Variants in CERS3 observed in about 807,000 individuals in gnomAD.
CERS3 encodes the protein LAG1 homolog, ceramide synthase 3.
In CERS3, 33 loss-of-function variants were observed where a neutral mutation model predicts 50.3. The ratio of observed to expected loss-of-function variants is 0.66; its 90% confidence interval spans 0.50 to 0.88. The LOEUF (loss-of-function observed/expected upper bound fraction) is 0.88. Among genes scored for constraint, CERS3 ranks in the 40% least tolerant of loss-of-function variants. The probability of loss-of-function intolerance (pLI) is 0.00; values close to 1 mark genes in which losing one functional copy is unlikely to be tolerated. For missense variants in CERS3, 470 were observed against 460.3 expected (o/e 1.02, Z -0.19); for synonymous variants, 176 against 155.2 (o/e 1.13, Z -0.99).
intron 9 of CERS3, among the ~76,000 whole-genome samples, chr15:100,469,879 G>T (rs1179335178): frequency 6.6e-6 from 1 of 152,032 alleles, no homozygotes; most frequent in Non-Finnish European, 1.5e-5. Context: ...AGAAAGGCTG[G>T]GACAAGTGGG....
chr15:100,449,314 T>G (rs1002452820), intron 11 of CERS3, among the ~76,000 whole-genome samples: 2 of 152,166 alleles, frequency 1.3e-5, no homozygotes, highest in African/African-American at 4.8e-5. Flanking sequence ...TGCAGACCAC[T>G]TGGGAGCCAG....
chr15:100,407,660 A>C (rs1279866253), intron 11 of CERS3, among the ~76,000 whole-genome samples: 1 of 152,194 alleles, frequency 6.6e-6, no homozygotes, highest in African/African-American at 2.4e-5. Flanking sequence ...TTTGTCAAAA[A>C]TATTCAGGAA....
chr15:100,467,729 T>C (rs919030704), intron 10 of CERS3, among the ~76,000 whole-genome samples: 2 of 137,558 alleles, frequency 1.5e-5, no homozygotes, highest in African/African-American at 5.2e-5. Context: ...TATTATTCTA[T>C]CAATAATTGC....
intron 1 of CERS3, among the ~76,000 whole-genome samples, chr15:100,535,721 T>C (rs4343263): frequency 0.31 from 28,679 of 91,366 alleles, 4,330 homozygotes; most frequent in South Asian, 0.43. Context: ...GAAGTGGGGA[T>C]ATCCCTATGC....
chr15:100,484,471 C>G (rs1326969244), intron 5 of CERS3, 79 bp downstream of exon 5: 1 of 982,946 alleles, frequency 1.0e-6, no homozygotes, highest in Non-Finnish European at 1.6e-6. Context: ...TCTGCTGCTC[C>G]GGCAGTATTC....
chr15:100,425,272 G>A (rs1176306617), intron 11 of CERS3, among the ~76,000 whole-genome samples: 1 of 152,154 alleles, frequency 6.6e-6, no homozygotes, highest in African/African-American at 2.4e-5. Context: ...CCCCAAAATG[G>A]TAGATTTATT....
chr15:100,520,622 C>T (rs1567679997), intron 2 of CERS3, among the ~76,000 whole-genome samples: 1 of 152,196 alleles, frequency 6.6e-6, no homozygotes, highest in African/African-American at 2.4e-5. Context: ...GTCACCTTCA[C>T]TAAAAAGCAG....
intron 11 of CERS3, among the ~76,000 whole-genome samples, chr15:100,404,927 G>A (rs2030871402): frequency 6.6e-6 from 1 of 152,268 alleles, no homozygotes; most frequent in East Asian, 1.9e-4. Flanking sequence ...AAGCAAATAA[G>A]TAAACTTTGA....
intron 10 of CERS3, among the ~76,000 whole-genome samples, chr15:100,458,466 A>G (rs1044559004): frequency 6.6e-6 from 1 of 151,928 alleles, no homozygotes; most frequent in African/African-American, 2.4e-5. Context: ...GGTATCTGTA[A>G]TCCTGGCTAC....
At chr15:100,442,288 A>G (rs1022198652) in intron 11 of CERS3, among the ~76,000 whole-genome samples, 5 of 152,180 alleles carry the variant, frequency 3.3e-5, no homozygotes, top group Non-Finnish European at 5.9e-5. Flanking sequence ...CTCAATATAA[A>G]TTTTATTACC....
chr15:100,496,756 A>G (rs1254362746), intron 3 of CERS3, among the ~76,000 whole-genome samples: 1 of 152,194 alleles, frequency 6.6e-6, no homozygotes, highest in African/African-American at 2.4e-5. Flanking sequence ...CTGCCAGTCC[A>G]GTCAATTCTA....
intron 1 of CERS3, among the ~76,000 whole-genome samples, chr15:100,527,992 A>G (rs2142403552): frequency 6.6e-6 from 1 of 152,334 alleles, no homozygotes; most frequent in African/African-American, 2.4e-5. Context: ...GTTTAAAGTC[A>G]AACACTCACT....
At chr15:100,447,444 G>A (rs2033986244) in intron 11 of CERS3, among the ~76,000 whole-genome samples, 1 of 152,088 alleles carries the variant, frequency 6.6e-6, no homozygotes, top group Non-Finnish European at 1.5e-5. Flanking sequence ...TCCCTAAAAT[G>A]TCTAAAACCA....
intron 2 of CERS3, among the ~76,000 whole-genome samples, chr15:100,502,959 G>T (rs1212641607): frequency 2.0e-5 from 3 of 152,120 alleles, no homozygotes. Flanking sequence ...AGGAAAATGG[G>T]GAAGAAGGAA....
intron 11 of CERS3, among the ~76,000 whole-genome samples, chr15:100,416,433 A>G (rs1010637526): frequency 2.6e-5 from 4 of 152,244 alleles, no homozygotes; most frequent in African/African-American, 9.6e-5. Context: ...AAGCTACAGA[A>G]TGGGAGTAAA....
chr15:100,533,254 T>C (rs2036984400), upstream of CERS3, among the ~76,000 whole-genome samples: 1 of 152,158 alleles, frequency 6.6e-6, no homozygotes, highest in South Asian at 2.1e-4. Flanking sequence ...CCTGTCACCT[T>C]CTAACTTACT....
chr15:100,442,872 C>G (rs1435771867), intron 11 of CERS3, among the ~76,000 whole-genome samples: 1 of 152,068 alleles, frequency 6.6e-6, no homozygotes, highest in Non-Finnish European at 1.5e-5. Context: ...AATACGGAGG[C>G]TACCCACTCC....
rs1408127144 is a variant in CERS3 at position 100,472,812 on chromosome 15, G to T, written c.738+112C>A. ...GAATCTAGAGATATTCTCAGAATTTGGGTGTTTTCAGGACACAGAGCTCTG... is the reference window on the plus strand; with the variant it reads ...GAATCTAGAGATATTCTCAGAATTTTGGTGTTTTCAGGACACAGAGCTCTG... On this transcript the variant is annotated intron_variant, in intron 9 of 11. Transcript: ENST00000679737. The T allele has an allele frequency of 4.3e-6, 5 of 1,175,060 alleles. No homozygotes were observed. In the African/African-American group the frequency reaches 6.0e-5, roughly 14 times the overall value. The allele number at this position is 1,175,060 out of a possible 1,614,324, so 72.8% of individuals were successfully genotyped here.
chr15:100,500,207 C>T (rs911175127), intron 3 of CERS3: 1 of 152,188 alleles, frequency 6.6e-6, no homozygotes, highest in African/African-American at 2.4e-5. Flanking sequence ...TGAAGCAACA[C>T]ATAGTTTTCT....
Sources: gnomAD v4.1 joint callset for allele counts (sites outside exome capture counted in the v4.1 genomes callset) on GRCh38, gnomAD v4.1.1 for gene constraint, MANE v1.5 for transcripts, NCBI Gene and HGNC (gene_info 2026-07-23, HGNC 2026-07-21) for gene names.